IGF1R: variants seen among roughly 807,000 people sequenced by gnomAD.
The protein encoded by IGF1R is insulin-like growth factor 1 receptor.
A neutral mutation model predicts 144.6 loss-of-function variants in IGF1R; 44 were observed. The ratio of observed to expected loss-of-function variants is 0.30; its 90% CI spans 0.24 to 0.39. The LOEUF is 0.39. IGF1R is among the 10% of genes least tolerant of loss of function. The pLI, the probability that IGF1R is intolerant of heterozygous loss-of-function variation, is 1.00. For missense variants in IGF1R, 1,355 were observed against 1,833.7 expected, an observed-to-expected ratio of 0.74 and a Z score of 4.77; for synonymous variants, 795 against 722.8, an observed-to-expected ratio of 1.10 and a Z score of -1.60.
Position 98,649,653 on chromosome 15 carries a change from G to T in IGF1R, c.72G>T (p.Ser24=), listed in dbSNP as rs35041862. 1.2e-6 allele frequency: 2 copies of T among 1,609,382 alleles called. No homozygotes were observed. The highest frequency in any genetic ancestry group is 8.5e-7 in the Non-Finnish European group (1 of 1,178,526). ...WGLLFLSAAL[S]LWPTSGEICG... is the part of the protein sequence containing the mutation. Reference sequence around the variant, plus strand: ...TCCTGTTTCTCTCCGCCGCGCTCTCGCTCTGGCCGACGAGTGGAGAAAGTG... The same window carrying T: ...TCCTGTTTCTCTCCGCCGCGCTCTCTCTCTGGCCGACGAGTGGAGAAAGTG... Residue 24 remains serine, a synonymous_variant, in exon 1 of 21, where the codon TCG becomes TCT. Coordinates refer to ENST00000650285, the MANE Select transcript of IGF1R (RefSeq NM_000875.5).
intron 2 of IGF1R, among the ~76,000 whole-genome samples, chr15:98,789,088 A>C (rs1002081062): frequency 1.2e-4 from 19 of 152,290 alleles, no homozygotes; most frequent in African/African-American, 4.3e-4. Flanking sequence ...GTTCCAGCTC[A>C]CTTTCCTGTT....
chr15:98,931,717 A>T (rs1296023447), intron 15 of IGF1R, among the ~76,000 whole-genome samples: 2 of 127,280 alleles, frequency 1.6e-5, no homozygotes, highest in African/African-American at 2.9e-5. Context: ...AAAAAAAAAA[A>T]GCCAGATGTG....
intron 2 of IGF1R, among the ~76,000 whole-genome samples, chr15:98,783,573 T>A (rs1328260269): frequency 6.6e-6 from 1 of 152,244 alleles, no homozygotes; most frequent in Admixed American, 6.5e-5. Flanking sequence ...TATTTAGTTT[T>A]TCTTTGATTT....
At chr15:98,868,191 C>CA (rs200640775) in intron 2 of IGF1R, among the ~76,000 whole-genome samples, 50 of 149,444 alleles carry the variant, frequency 3.3e-4, no homozygotes, top group South Asian at 1.9e-3. Flanking sequence ...ACTCTGTCTC[C>CA]AAAAAAAAAT....
At chr15:98,905,457 A>G (rs977767005) in intron 5 of IGF1R, among the ~76,000 whole-genome samples, 6 of 151,838 alleles carry the variant, frequency 4.0e-5, no homozygotes, top group African/African-American at 1.5e-4. Flanking sequence ...GGAGTTTGAG[A>G]CCAGCCAGGG....
At chr15:98,911,998 T>G (rs191805125) in intron 7 of IGF1R, among the ~76,000 whole-genome samples, 30 of 152,348 alleles carry the variant, frequency 2.0e-4, no homozygotes, top group Admixed American at 1.6e-3. Flanking sequence ...TGACTTCTCC[T>G]AGACTCTGTT....
At chr15:98,903,340 T>C (rs2014575965) in intron 5 of IGF1R, among the ~76,000 whole-genome samples, 2 of 152,158 alleles carry the variant, frequency 1.3e-5, no homozygotes, top group South Asian at 4.1e-4. Flanking sequence ...TGGAGGGTGG[T>C]GAGTTAAAAG....
At chr15:98,672,450 G>T (rs1480644551) in intron 1 of IGF1R, among the ~76,000 whole-genome samples, 1 of 151,722 alleles carries the variant, frequency 6.6e-6, no homozygotes, top group Non-Finnish European at 1.5e-5. Context: ...TGCGCCTGTA[G>T]TCCCAGCTAC....
Position 98,915,960 on chromosome 15 carries a change from C to G in IGF1R, c.1829-4C>G, listed in dbSNP as rs763202713. The G allele has an allele frequency of 6.2e-7, 1 of 1,613,764 alleles. No homozygotes were observed. Among genetic ancestry groups the G allele is most frequent in the Non-Finnish European group, 8.5e-7 (1 of 1,179,644 alleles). On this transcript the variant is annotated splice_polypyrimidine_tract_variant and splice_region_variant and intron_variant, in intron 8 of 20. Coordinates refer to ENST00000650285, the MANE Select transcript of IGF1R (RefSeq NM_000875.5). ...TCTAGAATGTTCTTTGTTCCCCTCT[C>G]CAGTTCCTTCCATTCCCTTGGACGT...
intron 1 of IGF1R, among the ~76,000 whole-genome samples, chr15:98,664,984 A>G (rs893930357): frequency 2.1e-4 from 30 of 143,044 alleles, no homozygotes; most frequent in South Asian, 2.2e-4. Flanking sequence ...TTTGGATGGA[A>G]TCTCGCTCTG....
intron 2 of IGF1R, among the ~76,000 whole-genome samples, chr15:98,797,545 G>A (rs186462316): frequency 4.1e-4 from 62 of 152,352 alleles, no homozygotes; most frequent in Non-Finnish European, 7.1e-4. Context: ...TTTGGGGTTG[G>A]GGGAGCGGGG....
chr15:98,881,409 C>T (rs1478876439), intron 2 of IGF1R, among the ~76,000 whole-genome samples: 2 of 151,964 alleles, frequency 1.3e-5, no homozygotes, highest in African/African-American at 2.4e-5. Context: ...CAACCTCCGC[C>T]TCCCGGGTTC....
At chr15:98,792,588 T>A (rs1177992540) in intron 2 of IGF1R, among the ~76,000 whole-genome samples, 4 of 152,204 alleles carry the variant, frequency 2.6e-5, no homozygotes, top group African/African-American at 9.6e-5. Context: ...TTAAGATGAT[T>A]ATGGCTGGCC....
intron 2 of IGF1R, among the ~76,000 whole-genome samples, chr15:98,753,728 G>A (rs1221770714): frequency 6.6e-6 from 1 of 152,140 alleles, no homozygotes. Flanking sequence ...GCGAATTAAT[G>A]TTTCTTACAG....
intron 2 of IGF1R, among the ~76,000 whole-genome samples, chr15:98,755,054 G>C (rs541599924): frequency 1.8e-4 from 27 of 152,176 alleles, no homozygotes; most frequent in Non-Finnish European, 3.4e-4. Context: ...AGTGATGCTA[G>C]TGTAAAATAA....
intron 2 of IGF1R, among the ~76,000 whole-genome samples, chr15:98,810,554 CTTTTTTT>C (rs1289249437): frequency 7.2e-6 from 1 of 138,720 alleles, no homozygotes; most frequent in African/African-American, 2.6e-5. Flanking sequence ...CTTTTCTTTT[CTTTTTTT>C]TTTTTTTTTG....
chr15:98,794,796 A>G (rs1474761485), intron 2 of IGF1R, among the ~76,000 whole-genome samples: 1 of 152,228 alleles, frequency 6.6e-6, no homozygotes, highest in Non-Finnish European at 1.5e-5. Flanking sequence ...ATCTGAATTC[A>G]CTACAAGCTC....
intron 2 of IGF1R, among the ~76,000 whole-genome samples, chr15:98,805,905 C>G (rs1393066947): frequency 1.3e-5 from 2 of 152,160 alleles, no homozygotes; most frequent in Non-Finnish European, 2.9e-5. Context: ...AGTTCTGACA[C>G]TCACCACCTG....
intron 2 of IGF1R, among the ~76,000 whole-genome samples, chr15:98,755,712 C>G (rs1349277391): frequency 2.4e-5 from 1 of 42,096 alleles, no homozygotes; most frequent in Non-Finnish European, 4.3e-5. Context: ...GAGCAAAACT[C>G]CATTGCAAAA....
Sources: allele counts gnomAD v4.1 joint callset (sites outside exome capture counted in the v4.1 genomes callset), GRCh38; gene constraint gnomAD v4.1.1; transcripts MANE v1.5; gene names NCBI Gene and HGNC (gene_info 2026-07-23, HGNC 2026-07-21).